Variants in CHST11 observed in about 807,000 individuals in gnomAD.
CHST11 encodes carbohydrate sulfotransferase 11, also known as C4S-1.
Under a neutral mutation model 30.4 loss-of-function variants are expected in CHST11, and 9 were observed. That is an observed-to-expected ratio of 0.30 (90% CI 0.18 to 0.52). The LOEUF is 0.52. Ranked by LOEUF, CHST11 falls within the 20% of genes least tolerant of loss-of-function variation. The pLI is 0.97. For synonymous variants in CHST11, 152 were observed against 187.8 expected (o/e 0.81, Z 1.56); for missense variants, 348 against 460.6 (o/e 0.76, Z 2.24).
chr12:104,541,669 C>A (rs1314216781), intron 1 of CHST11, among the ~76,000 whole-genome samples: 1 of 152,162 alleles, frequency 6.6e-6, no homozygotes, highest in Non-Finnish European at 1.5e-5. Flanking sequence ...TCTTGCTTTG[C>A]TCCATCTCAT....
chr12:104,513,969 C>T (rs2037995506), intron 1 of CHST11: 2 of 633,564 alleles, frequency 3.2e-6, no homozygotes, highest in Non-Finnish European at 5.8e-6. Flanking sequence ...AGGGTTAGAG[C>T]TGGGCGAGTG....
intron 2 of CHST11, among the ~76,000 whole-genome samples, chr12:104,697,199 C>T (rs911316298): frequency 6.6e-6 from 1 of 152,162 alleles, no homozygotes; most frequent in Non-Finnish European, 1.5e-5. Context: ...CTCACTGCTT[C>T]GTGTTGACAT....
intron 2 of CHST11, among the ~76,000 whole-genome samples, chr12:104,699,258 C>T (rs990721122): frequency 1.3e-5 from 2 of 152,142 alleles, no homozygotes; most frequent in African/African-American, 4.8e-5. Flanking sequence ...TGGTAGCTCA[C>T]GTGTGGTGAC....
intron 1 of CHST11, among the ~76,000 whole-genome samples, chr12:104,550,119 G>A (rs1250309999): frequency 1.3e-5 from 2 of 152,164 alleles, no homozygotes; most frequent in African/African-American, 4.8e-5. Context: ...GCTGTGCCGA[G>A]TTGATGTCCA....
intron 1 of CHST11, among the ~76,000 whole-genome samples, chr12:104,505,529 T>C (rs1360209756): frequency 6.6e-6 from 1 of 152,220 alleles, no homozygotes; most frequent in Non-Finnish European, 1.5e-5. Context: ...GGGACCACAC[T>C]TTGCATAGCA....
At chr12:104,486,403 C>T (rs1341190366) in intron 1 of CHST11, among the ~76,000 whole-genome samples, 4 of 151,896 alleles carry the variant, frequency 2.6e-5, no homozygotes, top group African/African-American at 9.7e-5. Flanking sequence ...CAGCGGGGTG[C>T]TCCCAGCTTT....
intron 1 of CHST11, among the ~76,000 whole-genome samples, chr12:104,542,919 C>A (rs766412435): frequency 1.3e-5 from 2 of 152,188 alleles, no homozygotes; most frequent in Non-Finnish European, 2.9e-5. Context: ...TCTGAACCAT[C>A]CTCATGCCGA....
At chr12:104,679,470 C>T (rs2039773994) in intron 2 of CHST11, among the ~76,000 whole-genome samples, 1 of 152,174 alleles carries the variant, frequency 6.6e-6, no homozygotes, top group African/African-American at 2.4e-5. Flanking sequence ...TTGAGCAGAA[C>T]TCTGGAGTCA....
chr12:104,606,180 G>GA (rs920146342), intron 2 of CHST11, among the ~76,000 whole-genome samples: 3 of 135,610 alleles, frequency 2.2e-5, no homozygotes, highest in Non-Finnish European at 4.8e-5. Context: ...GGGGGCGGGG[G>GA]GGGGAATGGC....
intron 1 of CHST11, among the ~76,000 whole-genome samples, chr12:104,597,173 C>G (rs1027339311): frequency 3.3e-5 from 5 of 152,174 alleles, no homozygotes; most frequent in African/African-American, 1.2e-4. Flanking sequence ...ACAACGTGCT[C>G]TTCATTACAA....
At chr12:104,523,870 G>A (rs760141906) in intron 1 of CHST11, among the ~76,000 whole-genome samples, 75 of 152,216 alleles carry the variant, frequency 4.9e-4, no homozygotes, top group Middle Eastern at 6.8e-3. Context: ...GGCACTTTGA[G>A]GAAGGGTTTT....
intron 2 of CHST11, among the ~76,000 whole-genome samples, chr12:104,730,653 G>A (rs967179663): frequency 2.9e-5 from 4 of 139,812 alleles, no homozygotes; most frequent in South Asian, 5.3e-4. Context: ...ATGGGAAGGC[G>A]AGAGGACATT....
rs1156418517 is a variant in CHST11 at position 104,729,678 on chromosome 12, A to G, written c.205-27271A>G. 6.6e-6 allele frequency among the ~76,000 whole-genome samples: 1 copy of G among 152,148 alleles called. No individual in the cohort carries two copies. Among genetic ancestry groups the G allele is most frequent in the East Asian group, 1.9e-4 (1 of 5,188 alleles). ...CAACTTGAACCTTGCTGGAGAAGTGAGAAGTGGGTGTGCAGAATCGTACGG... is the reference window on the plus strand; with the variant it reads ...CAACTTGAACCTTGCTGGAGAAGTGGGAAGTGGGTGTGCAGAATCGTACGG... On this transcript the variant is annotated intron_variant, in intron 2 of 2. Coordinates refer to ENST00000303694, the MANE Select transcript of CHST11 (RefSeq NM_018413.6). The surrounding 1 kb of genome is among the most constrained non-coding windows in gnomAD (Gnocchi z 4.0).
At chr12:104,662,742 C>T (rs987752562) in intron 2 of CHST11, among the ~76,000 whole-genome samples, 2 of 152,132 alleles carry the variant, frequency 1.3e-5, no homozygotes, top group African/African-American at 4.8e-5. Context: ...TATTTAATTT[C>T]AGAGGAGGAG....
At chr12:104,585,678 C>A (rs894752915) in intron 1 of CHST11, among the ~76,000 whole-genome samples, 2 of 152,226 alleles carry the variant, frequency 1.3e-5, no homozygotes, top group Non-Finnish European at 2.9e-5. Context: ...TTTGCTAGGG[C>A]TGCCATGACA....
intron 2 of CHST11, among the ~76,000 whole-genome samples, chr12:104,627,963 C>G (rs1200116344): frequency 6.6e-6 from 1 of 152,204 alleles, no homozygotes; most frequent in Non-Finnish European, 1.5e-5. Context: ...TTAAGGCAGA[C>G]ACTCTGTTTG....
At chr12:104,753,661 G>A (rs2040452565) in intron 2 of CHST11, among the ~76,000 whole-genome samples, 2 of 152,156 alleles carry the variant, frequency 1.3e-5, no homozygotes, top group Admixed American at 1.3e-4. Flanking sequence ...TTCTCTGTGG[G>A]ACCCAGAAAA....
At chr12:104,741,013 G>A (rs1344401363) in intron 2 of CHST11, among the ~76,000 whole-genome samples, 2 of 152,242 alleles carry the variant, frequency 1.3e-5, no homozygotes, top group African/African-American at 4.8e-5. Flanking sequence ...CTGCAAAGAT[G>A]TTCATGTGTT....
chr12:104,639,957 C>A (rs2039359719), intron 2 of CHST11, among the ~76,000 whole-genome samples: 1 of 152,132 alleles, frequency 6.6e-6, no homozygotes, highest in African/African-American at 2.4e-5. Flanking sequence ...CTACAGATGG[C>A]AAGTAAGCAT....
Sources: allele counts gnomAD v4.1 joint callset (sites outside exome capture counted in the v4.1 genomes callset), GRCh38; gene constraint gnomAD v4.1.1; non-coding constraint Gnocchi (gnomAD v3.1); transcripts MANE v1.5; gene names NCBI Gene and HGNC (gene_info 2026-07-23, HGNC 2026-07-21).